The following MFAP3 variants were observed in gnomAD, a reference collection of about 807,000 sequenced individuals.
MFAP3 encodes the protein microfibril-associated glycoprotein 3.
MFAP3 carries 8 observed loss-of-function variants against 20.5 expected under a neutral mutation model. That is an observed-to-expected ratio of 0.39 (90% CI 0.23 to 0.70). MFAP3 has a LOEUF of 0.70. MFAP3 is among the 30% of genes least tolerant of loss of function. The probability of loss-of-function intolerance (pLI) is 0.44; values close to 1 mark genes in which losing one functional copy is unlikely to be tolerated. For synonymous variants in MFAP3, 140 were observed against 154.0 expected, an observed-to-expected ratio of 0.91 and a Z score of 0.67; for missense variants, 398 against 444.6, an observed-to-expected ratio of 0.90 and a Z score of 0.94.
rs1264846548 is a variant in MFAP3, at chr5:154,057,144, A to G, written c.*3431A>G. On this transcript the variant is annotated 3_prime_UTR_variant, in exon 3 of 3. Transcript: ENST00000522782. ...CCCAGCCAGTCATGGGTGCTAGCCTAGTCTCCACACACCAGCAAGTAGAAC... is the reference window on the plus strand; with the variant it reads ...CCCAGCCAGTCATGGGTGCTAGCCTGGTCTCCACACACCAGCAAGTAGAAC... 2.6e-5 allele frequency among the ~76,000 whole-genome samples: 4 copies of G among 152,208 alleles called. No homozygotes were observed. The highest frequency in any genetic ancestry group is 5.9e-5 in the Non-Finnish European group (4 of 68,038).
At chr5:154,047,728 G>C (rs764387246) in intron 1 of MFAP3, among the ~76,000 whole-genome samples, 6 of 152,088 alleles carry the variant, frequency 3.9e-5, no homozygotes, top group African/African-American at 1.4e-4. Flanking sequence ...CAGAAATGAC[G>C]ATAATTTGGT....
At chr5:154,044,824 T>G (rs1773039381) in intron 1 of MFAP3, among the ~76,000 whole-genome samples, 1 of 152,226 alleles carries the variant, frequency 6.6e-6, no homozygotes, top group Non-Finnish European at 1.5e-5. Flanking sequence ...TTTTGTGAAC[T>G]TAATCTTTTT....
Position 154,054,736 on chromosome 5 carries a change from T to G in MFAP3, c.*1023T>G, listed in dbSNP as rs544574616. On this transcript the variant is annotated 3_prime_UTR_variant, in exon 3 of 3. Coordinates refer to ENST00000522782, the MANE Select transcript of MFAP3 (RefSeq NM_005927.5). ...TTCCTCTTAAGACCTCTGTCAACCC[T>G]CCTGCCCTTTGTGGTCTTAGGTATG... is the stretch of plus-strand genomic sequence containing the variant. 6.0e-6 allele frequency: 1 copy of G among 167,238 alleles called. No individual in the cohort carries two copies. The highest frequency in any genetic ancestry group is 2.1e-4 in the South Asian group (1 of 4,832). The allele number at this position is 167,238 out of a possible 1,614,324, so 10.4% of individuals were successfully genotyped here.
intron 1 of MFAP3, among the ~76,000 whole-genome samples, chr5:154,045,938 T>C (rs533653225): frequency 6.6e-6 from 1 of 152,302 alleles, no homozygotes; most frequent in East Asian, 1.9e-4. Context: ...CAGAGGAAAT[T>C]GAGGAACTGT....
In MFAP3 at chr5:154,049,773, A is replaced by G. The variant is rs1480521847; in HGVS notation, c.51A>G (p.Pro17=). The G allele has an allele frequency of 2.5e-6, 4 of 1,613,544 alleles. No homozygotes were observed. The East Asian group carries it at 6.7e-5, about 27-fold the overall frequency. The change falls in exon 2 of 3, where the codon CCA becomes CCG. Residue 17 remains proline, a synonymous_variant. Transcript: ENST00000522782. The stretch of plus-strand genomic sequence containing the variant: ...CTTTAGTGGCAAGTATTATTGTGCC[A>G]GCTGCTTTTGTTTTGGAAGATGTGG... ...LFTLVASIIV[P]AAFVLEDVDF... is the part of the protein sequence containing the mutation.
intron 1 of MFAP3, among the ~76,000 whole-genome samples, chr5:154,045,500 A>G (rs917583117): frequency 6.6e-6 from 1 of 152,160 alleles, no homozygotes; most frequent in Non-Finnish European, 1.5e-5. Context: ...AAATGGTTGC[A>G]TGGTATTCTG....
intron 1 of MFAP3, among the ~76,000 whole-genome samples, chr5:154,043,576 A>T (rs1176205886): frequency 1.3e-5 from 2 of 152,044 alleles, no homozygotes. Context: ...ACAAAAAGGA[A>T]AGGTAATAAA....
Position 154,053,283 on chromosome 5 carries a change from T to A in MFAP3, c.659T>A (p.Val220Asp). The A allele has an allele frequency of 6.2e-7, 1 of 1,614,050 alleles. No homozygotes were observed. The highest frequency in any genetic ancestry group is 8.5e-7 in the Non-Finnish European group (1 of 1,179,948). The change falls in exon 3 of 3, where the codon GTC becomes GAC. Residue 220 changes from valine (V) to aspartate (D), a missense_variant. Physicochemically the swap from Val to Asp is radical, Grantham distance 152. Transcript: ENST00000522782. Reference protein sequence around the residue: ...TSAKTLELAKVTQFKTMEFAR... With the variant: ...TSAKTLELAKDTQFKTMEFAR... ...GCCAAAACTCTGGAGCTCGCCAAAG[T>A]CACACAATTTAAGACCATGGAGTTT...
rs1267441051 is a variant in MFAP3 at position 154,048,618 on chromosome 5, AG to A, written c.-166-934del. Among the ~76,000 whole-genome samples the A allele has an allele frequency of 2.0e-5, 3 of 152,284 alleles. No homozygotes were observed. The South Asian group carries it at 6.2e-4, about 32-fold the overall frequency. On this transcript the variant is annotated intron_variant, in intron 1 of 2. Transcript: ENST00000522782. ...TTTTCTTTGAGAGTTGGTGGCTTAAAGGGGGAGTCAAATTACCAGGAAGGTG... is the reference window on the plus strand; with the variant it reads ...TTTTCTTTGAGAGTTGGTGGCTTAAAGGGGAGTCAAATTACCAGGAAGGTG...
intron 1 of MFAP3, among the ~76,000 whole-genome samples, chr5:154,046,827 G>A (rs1050589084): frequency 6.6e-6 from 1 of 152,066 alleles, no homozygotes; most frequent in African/African-American, 2.4e-5. Flanking sequence ...ATCCTGGGGG[G>A]ATGTGACCAT....
chr5:154,049,437 A>C (rs934705052), intron 1 of MFAP3, 120 bp from the exon 2 acceptor site: 1 of 322,990 alleles, frequency 3.1e-6, no homozygotes, highest in African/African-American at 2.2e-5. Flanking sequence ...TGTTCCATCT[A>C]ATTACTCCCC....
chr5:154,041,094 T>C (rs1366202784), intron 1 of MFAP3, among the ~76,000 whole-genome samples: 3 of 150,780 alleles, frequency 2.0e-5, no homozygotes, highest in Middle Eastern at 6.8e-3. Context: ...ATAAGTCTTA[T>C]AATGGCGTAC....
chr5:154,042,862 A>G (rs1018510926), intron 1 of MFAP3, among the ~76,000 whole-genome samples: 5 of 152,234 alleles, frequency 3.3e-5, no homozygotes, highest in South Asian at 2.1e-4. Flanking sequence ...CTGGGCATCA[A>G]TGTGTTTCCC....
chr5:154,046,548 T>G (rs1019280590), intron 1 of MFAP3, among the ~76,000 whole-genome samples: 3 of 152,006 alleles, frequency 2.0e-5, no homozygotes, highest in Non-Finnish European at 4.4e-5. Context: ...GGCTCTGGGG[T>G]GAAGGAGAAG....
chr5:154,052,104 T>C (rs1463133834), intron 2 of MFAP3, among the ~76,000 whole-genome samples: 2 of 152,188 alleles, frequency 1.3e-5, no homozygotes, highest in African/African-American at 4.8e-5. Flanking sequence ...TACACTTGTA[T>C]ACTTCTATAT....
intron 1 of MFAP3, among the ~76,000 whole-genome samples, chr5:154,044,808 A>G (rs1242496024): frequency 6.6e-6 from 1 of 152,202 alleles, no homozygotes; most frequent in Non-Finnish European, 1.5e-5. Flanking sequence ...ACACAGTTCA[A>G]TAACTTTTTG....
intron 1 of MFAP3, chr5:154,039,214 G>A (rs74535736): frequency 2.0e-5 from 3 of 152,152 alleles, no homozygotes; most frequent in African/African-American, 7.2e-5. Flanking sequence ...TGGGCTCCAG[G>A]GACACATCAG....
Position 154,049,776 on chromosome 5 carries a change from T to G in MFAP3, c.54T>G (p.Ala18=). 1 of 1,613,704 alleles carries G rather than the reference T, an allele frequency of 6.2e-7. No homozygotes were observed. Among genetic ancestry groups the G allele is most frequent in the South Asian group, 1.1e-5 (1 of 91,078 alleles). Residue 18 remains alanine, a synonymous_variant, in exon 2 of 3, where the codon GCT becomes GCG. Coordinates refer to ENST00000522782, the MANE Select transcript of MFAP3 (RefSeq NM_005927.5). ...FTLVASIIVP[A]AFVLEDVDFD... ...TAGTGGCAAGTATTATTGTGCCAGC[T>G]GCTTTTGTTTTGGAAGATGTGGACT...
rs537429946 is a variant in MFAP3, at chr5:154,054,249, A to G, written c.*536A>G. ...TCTAAATTTCCACACCAATGTCATA[A>G]TGCACAGAGGTTTTTGAAAAACATC... On this transcript the variant is annotated 3_prime_UTR_variant, in exon 3 of 3. Coordinates refer to ENST00000522782, the MANE Select transcript of MFAP3 (RefSeq NM_005927.5). 5.9e-6 allele frequency: 1 copy of G among 168,348 alleles called. No homozygotes were observed. Among genetic ancestry groups the G allele is most frequent in the South Asian group, 2.0e-4 (1 of 4,928 alleles). 10.4% of individuals were successfully genotyped at this position (168,348 alleles called of 1,614,324 possible). A position where few individuals can be genotyped will look rare whatever the true frequency, so the allele number is the denominator to read the frequency against.
Sources: allele counts gnomAD v4.1 joint callset (sites outside exome capture counted in the v4.1 genomes callset), GRCh38; gene constraint gnomAD v4.1.1; transcripts MANE v1.5; gene names NCBI Gene and HGNC (gene_info 2026-07-23, HGNC 2026-07-21).